Variants in GAD2 observed in about 807,000 individuals in gnomAD.
GAD2 encodes the protein glutamate decarboxylase 2, also known as 65 kDa glutamic acid decarboxylase.
GAD2 carries 22 observed loss-of-function variants against 80.1 expected under a neutral mutation model. That is an observed-to-expected ratio of 0.27 (90% CI 0.20 to 0.39). The LOEUF is 0.39. Among genes scored for constraint, GAD2 ranks in the 10% least tolerant of loss-of-function variants. GAD2 has a pLI of 1.00. For synonymous variants in GAD2, 274 were observed against 256.9 expected (o/e 1.07, Z -0.64); for missense variants, 624 against 738.4 (o/e 0.85, Z 1.80).
At chr10:26,290,850 T>G (rs928494491) in intron 13 of GAD2, among the ~76,000 whole-genome samples, 4 of 152,190 alleles carry the variant, frequency 2.6e-5, no homozygotes, top group Non-Finnish European at 5.9e-5. Flanking sequence ...TGGATCTTAA[T>G]CCCATAAATA....
chr10:26,287,398 T>A (rs937873866), intron 13 of GAD2, among the ~76,000 whole-genome samples: 14 of 152,168 alleles, frequency 9.2e-5, no homozygotes, highest in Admixed American at 2.6e-4. Flanking sequence ...AGAAAAGATG[T>A]TGATTTGGAA....
intron 7 of GAD2, among the ~76,000 whole-genome samples, chr10:26,240,259 G>C (rs950908080): frequency 6.6e-6 from 1 of 152,182 alleles, no homozygotes; most frequent in African/African-American, 2.4e-5. Flanking sequence ...CTAGGGCTAG[G>C]AGGGATGGGC....
At chr10:26,239,355 C>T (rs944785264) in intron 7 of GAD2, among the ~76,000 whole-genome samples, 1 of 152,182 alleles carries the variant, frequency 6.6e-6, no homozygotes, top group Admixed American at 6.5e-5. Flanking sequence ...AGGACCCCAC[C>T]TTAGGCCTTC....
In GAD2 at chr10:26,292,566, T is replaced by C; in HGVS notation, c.1488T>C (p.Asp496=). 6.2e-7 allele frequency: 1 copy of C among 1,606,792 alleles called. No homozygotes were observed. Among genetic ancestry groups the C allele is most frequent in the South Asian group, 1.1e-5 (1 of 90,900 alleles). Residue 496 remains aspartate, a synonymous_variant, in exon 14 of 16, where the codon GAT becomes GAC. Coordinates refer to ENST00000376261, the MANE Select transcript of GAD2 (RefSeq NM_001134366.2). ...GAGAAGGATATGAGATGGTGTTTGATGGGAAGGTATGTATTTGGATTTCTA... is the reference window on the plus strand; with the variant it reads ...GAGAAGGATATGAGATGGTGTTTGACGGGAAGGTATGTATTTGGATTTCTA... ...KNREGYEMVF[D]GKPQHTNVCF... is the part of the protein sequence containing the mutation.
At chr10:26,237,037 A>G (rs188990846) in intron 7 of GAD2, among the ~76,000 whole-genome samples, 4 of 152,216 alleles carry the variant, frequency 2.6e-5, no homozygotes, top group Non-Finnish European at 5.9e-5. Context: ...CAACTCAGCC[A>G]CTGTGCAGAG....
chr10:26,267,424 C>G (rs1845084919), intron 8 of GAD2, among the ~76,000 whole-genome samples: 1 of 152,178 alleles, frequency 6.6e-6, no homozygotes, highest in African/African-American at 2.4e-5. Context: ...AAGGGATGCC[C>G]CCAGGCAAAG....
chr10:26,221,120 A>G (rs760895247), intron 4 of GAD2, among the ~76,000 whole-genome samples: 1 of 152,206 alleles, frequency 6.6e-6, no homozygotes, highest in Non-Finnish European at 1.5e-5. Context: ...CATTTTCTCT[A>G]TTCAGCTGGC....
chr10:26,247,308 C>G (rs1844821309), intron 8 of GAD2, among the ~76,000 whole-genome samples: 1 of 152,134 alleles, frequency 6.6e-6, no homozygotes, highest in African/African-American at 2.4e-5. Context: ...AAGTCACTCT[C>G]GTGGCCATCT....
chr10:26,250,348 A>T (rs568905913), intron 8 of GAD2, among the ~76,000 whole-genome samples: 1 of 152,340 alleles, frequency 6.6e-6, no homozygotes, highest in African/African-American at 2.4e-5. Flanking sequence ...ACTGAAATAC[A>T]ATACTAAAAA....
At chr10:26,288,385 T>C (rs1834172398) in intron 13 of GAD2, among the ~76,000 whole-genome samples, 1 of 152,178 alleles carries the variant, frequency 6.6e-6, no homozygotes. Context: ...GAAGCTCCAC[T>C]GTGTTGCCTG....
rs950561927 is a variant in GAD2, at chr10:26,304,360, G to A, written c.*3399G>A. 2 of 152,558 alleles carry A rather than the reference G, an allele frequency of 1.3e-5. No individual in the cohort carries two copies. Among genetic ancestry groups the A allele is most frequent in the African/African-American group, 2.4e-5 (1 of 41,416 alleles). 9.5% of individuals were successfully genotyped at this position (152,558 alleles called of 1,614,324 possible). On this transcript the variant is annotated 3_prime_UTR_variant, in exon 16 of 16. Transcript: ENST00000376261. ...TATTAGTTAGGTGTGCCAAACTACCGTTCCCAAATTGGTGTTTCTGAATGA... is the reference window on the plus strand; with the variant it reads ...TATTAGTTAGGTGTGCCAAACTACCATTCCCAAATTGGTGTTTCTGAATGA...
At chr10:26,237,989 G>A (rs911768148) in intron 7 of GAD2, among the ~76,000 whole-genome samples, 9 of 148,292 alleles carry the variant, frequency 6.1e-5, no homozygotes, top group East Asian at 2.0e-4. Flanking sequence ...GTGACAGGGC[G>A]AGACTCCATC....
At chr10:26,297,814 G>A (rs1834291126) in intron 15 of GAD2, among the ~76,000 whole-genome samples, 1 of 152,174 alleles carries the variant, frequency 6.6e-6, no homozygotes, top group Admixed American at 6.5e-5. Context: ...CACAGGGCCT[G>A]TATCACACAG....
chr10:26,253,944 C>T (rs1564663577), intron 8 of GAD2, among the ~76,000 whole-genome samples: 2 of 150,770 alleles, frequency 1.3e-5, no homozygotes, highest in Non-Finnish European at 1.5e-5. Context: ...CTGTGAGGGG[C>T]GGGGGTGGCA....
At position 26,243,640 on chromosome 10, in the gene GAD2, G is replaced by A. The variant is rs1844770244; in HGVS notation, c.841-2281G>A. Among the ~76,000 whole-genome samples, 3 of 152,206 alleles carry A rather than the reference G, an allele frequency of 2.0e-5. No individual in the cohort carries two copies. The South Asian group carries it at 6.2e-4, about 32-fold the overall frequency. ...GGCACAAAGACTTTGGCGGTGGCTTGGCAGTGTGGCCTGTTCTGTACACGC... is the reference window on the plus strand; with the variant it reads ...GGCACAAAGACTTTGGCGGTGGCTTAGCAGTGTGGCCTGTTCTGTACACGC... On this transcript the variant is annotated intron_variant, in intron 7 of 15. Coordinates refer to ENST00000376261, the MANE Select transcript of GAD2 (RefSeq NM_001134366.2).
At chr10:26,293,882 C>T (rs1286929379) in intron 15 of GAD2, among the ~76,000 whole-genome samples, 1 of 152,204 alleles carries the variant, frequency 6.6e-6, no homozygotes, top group African/African-American at 2.4e-5. Context: ...GATTGTCCAC[C>T]CATCTTGCTG....
chr10:26,297,266 AT>A (rs1834284788), intron 15 of GAD2, among the ~76,000 whole-genome samples: 1 of 152,168 alleles, frequency 6.6e-6, no homozygotes, highest in Non-Finnish European at 1.5e-5. Context: ...CTGCTTTTAC[AT>A]TTTTCAGAAA....
At chr10:26,245,888 A>T in intron 7 of GAD2, 33 bp from the exon 8 acceptor site, 1 of 1,514,568 alleles carries the variant, frequency 6.6e-7, no homozygotes. Flanking sequence ...CTGTATATGG[A>T]ACTAATTGCA....
At chr10:26,273,075 G>A (rs144377467) in intron 10 of GAD2, among the ~76,000 whole-genome samples, 57 of 152,064 alleles carry the variant, frequency 3.7e-4, no homozygotes, top group African/African-American at 1.3e-3. Context: ...CTTCAACCTT[G>A]ATCAAGTACA....
Sources: allele counts gnomAD v4.1 joint callset (sites outside exome capture counted in the v4.1 genomes callset), GRCh38; gene constraint gnomAD v4.1.1; transcripts MANE v1.5; gene names NCBI Gene and HGNC (gene_info 2026-07-23, HGNC 2026-07-21).